The following CFAP54 variants were observed in gnomAD, a reference collection of about 807,000 sequenced individuals.
The protein encoded by CFAP54 is cilia and flagella associated protein 54.
CFAP54 carries 290 observed loss-of-function variants against 370.4 expected under a neutral mutation model. The observed-to-expected ratio is 0.78, with a 90% CI of 0.71 to 0.86. The LOEUF (loss-of-function observed/expected upper bound fraction) is 0.86. Ranked by LOEUF, CFAP54 falls within the 40% of genes least tolerant of loss-of-function variation. CFAP54 has a pLI of 0.00. For missense variants in CFAP54, 3,399 were observed against 3,528.7 expected, an observed-to-expected ratio of 0.96 and a Z score of 0.93; for synonymous variants, 1,206 against 1,236.5, an observed-to-expected ratio of 0.98 and a Z score of 0.52.
intron 26 of CFAP54, among the ~76,000 whole-genome samples, chr12:96,613,255 G>C (rs1488766831): frequency 6.6e-6 from 1 of 152,186 alleles, no homozygotes; most frequent in African/African-American, 2.4e-5. Flanking sequence ...TGAACAACCT[G>C]CTCCTGAATG....
At chr12:96,557,797 T>C (rs547330234) in intron 17 of CFAP54, among the ~76,000 whole-genome samples, 7 of 151,982 alleles carry the variant, frequency 4.6e-5, no homozygotes, top group Non-Finnish European at 8.8e-5. Context: ...TTATATATTA[T>C]ATATAATAAG....
intron 17 of CFAP54, among the ~76,000 whole-genome samples, chr12:96,556,267 G>T (rs140915834): frequency 1.3e-5 from 2 of 151,408 alleles, no homozygotes; most frequent in East Asian, 1.9e-4. Context: ...AATACATTTG[G>T]CTGCATTAAT....
chr12:96,865,404 C>A (rs1259801641), intron 67 of CFAP54, among the ~76,000 whole-genome samples: 2 of 152,096 alleles, frequency 1.3e-5, no homozygotes, highest in African/African-American at 4.8e-5. Flanking sequence ...CCATTGTATA[C>A]TATTTGTATA....
chr12:96,693,703 A>G lies in CFAP54; in HGVS notation c.6265-19A>G, dbSNP rs754227282. The G allele has an allele frequency of 6.9e-7, 1 of 1,440,034 alleles. No homozygotes were observed. The highest frequency in any genetic ancestry group is 9.6e-7 in the Non-Finnish European group (1 of 1,042,132). 89.2% of individuals were successfully genotyped at this position (1,440,034 alleles called of 1,614,324 possible). On this transcript the variant is annotated intron_variant, in intron 44 of 67. Coordinates refer to ENST00000524981, the MANE Select transcript of CFAP54 (RefSeq NM_001306084.2). ...TGATAAAATATATTTTGAAACAAAG[A>G]GTGTTTTTCTCCTGATAGGTTCTGC...
rs1394207594 is a variant in CFAP54, at chr12:96,734,997, T to C, written c.6966-4959T>C. On this transcript the variant is annotated intron_variant, in intron 50 of 67. Coordinates refer to ENST00000524981, the MANE Select transcript of CFAP54 (RefSeq NM_001306084.2). Reference sequence around the variant, plus strand: ...ATGGTCAAATACCATAAACTTTTCATTAAAAAGAAGAAATTATAACTAGTA... The same window carrying C: ...ATGGTCAAATACCATAAACTTTTCACTAAAAAGAAGAAATTATAACTAGTA... Among the ~76,000 whole-genome samples, 4 of 152,130 alleles carry C rather than the reference T, an allele frequency of 2.6e-5. No homozygotes were observed. The East Asian group carries it at 5.8e-4, about 22-fold the overall frequency.
intron 58 of CFAP54, among the ~76,000 whole-genome samples, chr12:96,761,912 A>T (rs34479): frequency 6.6e-6 from 1 of 152,080 alleles, no homozygotes; most frequent in African/African-American, 2.4e-5. Context: ...TTGAAATTGT[A>T]AAGTGCATGT....
At chr12:96,791,383 A>G (rs572945304) in intron 62 of CFAP54, among the ~76,000 whole-genome samples, 33 of 152,230 alleles carry the variant, frequency 2.2e-4, no homozygotes, top group African/African-American at 6.3e-4. Flanking sequence ...GCTACCTTAA[A>G]CAACTAATTA....
At chr12:96,685,262 C>T (rs79677423) in intron 42 of CFAP54, 24 bp downstream of exon 42, 411,612 of 1,607,030 alleles carry the variant, frequency 0.26, 54,422 homozygotes, top group African/African-American at 0.39. Context: ...TGGAAGGATC[C>T]CCGTACTAGC....
Position 96,688,948 on chromosome 12 carries a change from C to A in CFAP54, c.6047C>A (p.Thr2016Asn). The A allele has an allele frequency of 6.3e-7, 1 of 1,582,520 alleles. No individual in the cohort carries two copies. The highest frequency in any genetic ancestry group is 8.6e-7 in the Non-Finnish European group (1 of 1,168,308). Reference protein sequence around the residue: ...FIKSLNVEKKTDCCILSALLF... With the variant: ...FIKSLNVEKKNDCCILSALLF... ...AAGTCATTGAATGTTGAAAAGAAAACTGACTGTTGCATTTTGTCTGCGTTA... is the reference window on the plus strand; with the variant it reads ...AAGTCATTGAATGTTGAAAAGAAAAATGACTGTTGCATTTTGTCTGCGTTA... Residue 2016 changes from threonine to asparagine, a missense_variant, in exon 43 of 68, where the codon ACT becomes AAT. By Grantham distance (65) the Thr-to-Asn change is moderately conservative. Transcript: ENST00000524981.
chr12:96,600,013 CA>C (rs1956222123), intron 26 of CFAP54, among the ~76,000 whole-genome samples: 1 of 152,094 alleles, frequency 6.6e-6, no homozygotes, highest in African/African-American at 2.4e-5. Context: ...AATTAGATTC[CA>C]TTTTTCTATT....
chr12:96,608,312 C>T (rs541225410), intron 26 of CFAP54, among the ~76,000 whole-genome samples: 291 of 39,494 alleles, frequency 7.4e-3, no homozygotes, highest in African/African-American at 0.019. Context: ...TATATATACA[C>T]ACACACACAC....
chr12:96,674,196 T>G (rs1210480494), intron 39 of CFAP54, among the ~76,000 whole-genome samples: 1 of 152,200 alleles, frequency 6.6e-6, no homozygotes, highest in African/African-American at 2.4e-5. Flanking sequence ...GCATTTGGAT[T>G]GATGTGGCCT....
intron 26 of CFAP54, among the ~76,000 whole-genome samples, chr12:96,610,680 C>G (rs982419508): frequency 2.0e-5 from 3 of 152,212 alleles, no homozygotes; most frequent in African/African-American, 7.2e-5. Context: ...AATCGGGTCA[C>G]TCCCACCCTA....
Position 96,598,630 on chromosome 12 carries a change from G to T in CFAP54, c.3517-15G>T. 1.7e-6 allele frequency: 1 copy of T among 598,954 alleles called. No individual in the cohort carries two copies. Among genetic ancestry groups the T allele is most frequent in the South Asian group, 2.1e-5 (1 of 48,178 alleles). 37.1% of individuals were successfully genotyped at this position (598,954 alleles called of 1,614,324 possible). ...GACATTTTAAAACAAAAATCATTGT[G>T]ATTCTAATTTTTAGATCCTGATAAA... On this transcript the variant is annotated splice_polypyrimidine_tract_variant and intron_variant, in intron 25 of 67. Transcript: ENST00000524981.
intron 36 of CFAP54, among the ~76,000 whole-genome samples, chr12:96,652,789 A>C (rs75075416): frequency 0.019 from 2,856 of 152,322 alleles, 103 homozygotes; most frequent in African/African-American, 0.066. Flanking sequence ...TTGAAAATAA[A>C]AATATGGAAA....
chr12:96,546,107 TG>T (rs1258923869), intron 14 of CFAP54, among the ~76,000 whole-genome samples: 2 of 152,160 alleles, frequency 1.3e-5, no homozygotes, highest in Admixed American at 6.5e-5. Flanking sequence ...TAAAACAAGC[TG>T]GGGCTTATGG....
chr12:96,856,022 G>C (rs781690777), intron 66 of CFAP54, among the ~76,000 whole-genome samples: 1 of 152,112 alleles, frequency 6.6e-6, no homozygotes, highest in East Asian at 1.9e-4. Context: ...CTTTAGTTCT[G>C]TGCACCCACA....
chr12:96,732,990 A>G (rs1957938803), intron 50 of CFAP54, among the ~76,000 whole-genome samples: 1 of 152,014 alleles, frequency 6.6e-6, no homozygotes, highest in South Asian at 2.1e-4. Context: ...AGTGGTTTTT[A>G]TTCTTTTTGG....
At chr12:96,608,459 C>CTTTTTTT (rs5800258) in intron 26 of CFAP54, among the ~76,000 whole-genome samples, 3 of 107,000 alleles carry the variant, frequency 2.8e-5, no homozygotes, top group Non-Finnish European at 5.3e-5. Flanking sequence ...CATAGTAGGA[C>CTTTTTTT]TTTTTTTTTT....
Sources: allele counts gnomAD v4.1 joint callset (sites outside exome capture counted in the v4.1 genomes callset), GRCh38; gene constraint gnomAD v4.1.1; transcripts MANE v1.5; gene names NCBI Gene and HGNC (gene_info 2026-07-23, HGNC 2026-07-21).